Variants in SPON2 observed in about 807,000 individuals in gnomAD.
The protein encoded by SPON2 is spondin-2.
In SPON2, 32 loss-of-function variants were observed where a neutral mutation model predicts 29.9. The observed-to-expected ratio is 1.07, with a 90% CI of 0.81 to 1.44. SPON2 has a LOEUF of 1.44. SPON2 is among the 40% of genes most tolerant of loss of function. The pLI is 0.00. For synonymous variants in SPON2, 248 were observed against 209.1 expected (o/e 1.19, Z -1.61); for missense variants, 541 against 455.5 (o/e 1.19, Z -1.71).
At chr4:1,198,778 C>G (rs1008416496), upstream of SPON2, among the ~76,000 whole-genome samples, 2 of 152,172 alleles carry the variant, frequency 1.3e-5, no homozygotes, top group African/African-American at 4.8e-5. Context: ...TTCAGAGAAC[C>G]TCACCGACAG....
Position 1,167,604 on chromosome 4 carries a change from C to G in SPON2, c.864G>C (p.Leu288=). 1 of 1,613,534 alleles carries G rather than the reference C, an allele frequency of 6.2e-7. No homozygotes were observed. Among genetic ancestry groups the G allele is most frequent in the Non-Finnish European group, 8.5e-7 (1 of 1,179,982 alleles). ...CEVSLWSSWG[L]CGGHCGRLGT... ...CGAGCCTCCCACAGTGGCCTCCGCA[C>G]AGTCCCCAGGACGACCACAGGGAGA... Residue 288 remains leucine (L), a synonymous_variant, in exon 6 of 6, where the codon CTG becomes CTC. Coordinates refer to ENST00000290902, the MANE Select transcript of SPON2 (RefSeq NM_012445.4).
At chr4:1,194,898 G>GGCTCCA (rs1560210496) in intron 1 of SPON2, 2 of 132,118 alleles carry the variant, frequency 1.5e-5, no homozygotes, top group African/African-American at 5.6e-5. Context: ...CACAGCCGGC[G>GGCTCCA]ACTCCAACCC....
At chr4:1,176,603 A>G (rs1224792337), upstream of SPON2, among the ~76,000 whole-genome samples, 1 of 145,812 alleles carries the variant, frequency 6.9e-6, no homozygotes, top group Non-Finnish European at 1.5e-5. Flanking sequence ...TCAATCATCC[A>G]TTCACACAGT....
In SPON2 at chr4:1,167,358, G is replaced by C; in HGVS notation, c.*114C>G. 2 of 1,160,674 alleles carry C rather than the reference G, an allele frequency of 1.7e-6. No homozygotes were observed. Among genetic ancestry groups the C allele is most frequent in the Non-Finnish European group, 2.4e-6 (2 of 822,650 alleles). The allele number at this position is 1,160,674 out of a possible 1,614,324, so 71.9% of individuals were successfully genotyped here. A position where few individuals can be genotyped will look rare whatever the true frequency, so the allele number is the denominator to read the frequency against. Reference sequence around the variant, plus strand: ...AGATGGTCGGCGCGGCCTCACCGCGGTCAGGAGCAGCGCGAAACCCCCTGT... The same window carrying C: ...AGATGGTCGGCGCGGCCTCACCGCGCTCAGGAGCAGCGCGAAACCCCCTGT... On this transcript the variant is annotated 3_prime_UTR_variant, in exon 6 of 6. Transcript: ENST00000290902.
At position 1,170,565 on chromosome 4, in the gene SPON2, G is replaced by A; in HGVS notation, c.648C>T (p.Ser216=). The change falls in exon 5 of 6, where the codon TCC becomes TCT. Residue 216 remains serine, a synonymous_variant. Coordinates refer to ENST00000290902, the MANE Select transcript of SPON2 (RefSeq NM_012445.4). ...AGGAGTTGGCCGGGTGGCTGGGAGA[G>A]GAGGACGTTATCTGGGGAGGAAGAA... is the stretch of plus-strand genomic sequence containing the variant. The part of the protein sequence containing the change: ...PQDTVTEITS[S]SPSHPANSFY... 1 of 1,611,264 alleles carries A rather than the reference G, an allele frequency of 6.2e-7. No individual in the cohort carries two copies. The highest frequency in any genetic ancestry group is 8.5e-7 in the Non-Finnish European group (1 of 1,179,288).
intron 2 of SPON2, 45 bp downstream of exon 2, chr4:1,171,807 C>G: frequency 7.0e-7 from 1 of 1,421,276 alleles, no homozygotes; most frequent in African/African-American, 1.4e-5. Flanking sequence ...TCCGGCGCCG[C>G]AGCCCTCCTG....
chr4:1,179,489 G>C (rs1269896486), exon 2 of SPON2: 1 of 152,168 alleles, frequency 6.6e-6, no homozygotes, highest in East Asian at 1.9e-4. Context: ...GCAGCAAAAA[G>C]GGCAGCATAA....
chr4:1,193,152 TCA>T, intron 1 of SPON2, among the ~76,000 whole-genome samples: 1 of 152,308 alleles, frequency 6.6e-6, no homozygotes, highest in African/African-American at 2.4e-5. Flanking sequence ...GCACATGTGC[TCA>T]CACACCATGC....
intron 1 of SPON2, among the ~76,000 whole-genome samples, chr4:1,181,493 CTGGGAAGATGG>C (rs932560291): frequency 1.2e-4 from 18 of 152,164 alleles, no homozygotes; most frequent in African/African-American, 4.3e-4. Context: ...TAGGAAGATT[CTGGGAAGATGG>C]TGGAGCAATA....
chr4:1,205,243 A>T (rs1037703410), intron 1 of SPON2: 3 of 152,510 alleles, frequency 2.0e-5, no homozygotes, highest in African/African-American at 7.2e-5. Context: ...GGGTGGAGAC[A>T]GCACCCGGCT....
chr4:1,190,317 C>T (rs1408970267), intron 1 of SPON2, among the ~76,000 whole-genome samples: 4 of 151,536 alleles, frequency 2.6e-5, no homozygotes, highest in Non-Finnish European at 5.9e-5. Context: ...ACAAACTTCC[C>T]ACAAAGAAAA....
At chr4:1,182,925 T>A (rs1304433317) in intron 1 of SPON2, among the ~76,000 whole-genome samples, 1 of 151,500 alleles carries the variant, frequency 6.6e-6, no homozygotes, top group Non-Finnish European at 1.5e-5. Context: ...ATATTCTGAG[T>A]GTTCAAGAAA....
rs900616843 is a variant in SPON2, at chr4:1,201,288, C to T, written c.-234+6592G>A. 3 of 377,856 alleles carry T rather than the reference C, an allele frequency of 7.9e-6. No homozygotes were observed. In the East Asian group the frequency reaches 2.2e-4, roughly 28 times the overall value. The allele number at this position is 377,856 out of a possible 1,614,324, so 23.4% of individuals were successfully genotyped here. ...CCCTACCTGCCCTGAGTGTCCCGGC[C>T]GTGAGTCCCCAGCCCACTGGCTTCA... is the stretch of plus-strand genomic sequence containing the variant. On this transcript the variant is annotated intron_variant, in intron 1 of 3. Coordinates refer to the SPON2 transcript ENST00000509233.
At chr4:1,175,285 G>A (rs959276175), upstream of SPON2, among the ~76,000 whole-genome samples, 3 of 152,228 alleles carry the variant, frequency 2.0e-5, no homozygotes, top group Admixed American at 6.5e-5. Flanking sequence ...CCAGAGACTC[G>A]CTGAGGCACA....
intron 1 of SPON2, among the ~76,000 whole-genome samples, chr4:1,194,201 C>G (rs948251607): frequency 6.6e-6 from 1 of 152,158 alleles, no homozygotes; most frequent in South Asian, 2.1e-4. Context: ...AGCCCCACGA[C>G]GGCAAATGGG....
chr4:1,193,971 C>T (rs900395391), intron 1 of SPON2, among the ~76,000 whole-genome samples: 6 of 151,614 alleles, frequency 4.0e-5, no homozygotes, highest in Non-Finnish European at 8.8e-5. Flanking sequence ...GGGCCCTGCT[C>T]CCTGTCCCTC....
intron 1 of SPON2, among the ~76,000 whole-genome samples, chr4:1,183,183 A>G (rs1193129433): frequency 6.7e-6 from 1 of 150,162 alleles, no homozygotes; most frequent in African/African-American, 2.4e-5. Flanking sequence ...TGGAGGTTGC[A>G]GTCAGCAGAG....
At chr4:1,189,108 G>C (rs1280913968) in intron 1 of SPON2, among the ~76,000 whole-genome samples, 3 of 152,044 alleles carry the variant, frequency 2.0e-5, no homozygotes, top group Non-Finnish European at 4.4e-5. Flanking sequence ...GCATTCACAA[G>C]AGAATTTAGA....
In SPON2 at chr4:1,170,450, C is replaced by T. The variant is rs750300488; in HGVS notation, c.763G>A (p.Ala255Thr). The T allele has an allele frequency of 1.1e-5, 17 of 1,613,918 alleles. No individual in the cohort carries two copies. The Admixed American group carries it at 1.7e-4, about 16-fold the overall frequency. ...TTGTCCCTGCTGGGCAGGACTGGGGCGGGAGGGATGAAGGCCCTGGGGCTC... is the reference window on the plus strand; with the variant it reads ...TTGTCCCTGCTGGGCAGGACTGGGGTGGGAGGGATGAAGGCCCTGGGGCTC... Reference protein sequence around the residue: ...RQSPRAFIPPAPVLPSRDNEI... With the variant: ...RQSPRAFIPPTPVLPSRDNEI... Residue 255 changes from alanine to threonine, a missense_variant, in exon 5 of 6, where the codon GCC becomes ACC. Transcript: ENST00000290902.
Sources: gnomAD v4.1 joint callset for allele counts (sites outside exome capture counted in the v4.1 genomes callset) on GRCh38, gnomAD v4.1.1 for gene constraint, MANE v1.5 for transcripts, NCBI Gene and HGNC (gene_info 2026-07-23, HGNC 2026-07-21) for gene names.